The following ZHX3 variants were observed in gnomAD, a reference collection of about 807,000 sequenced individuals.
ZHX3 encodes the protein zinc fingers and homeoboxes 3.
ZHX3 carries 20 observed loss-of-function variants against 64.5 expected under a neutral mutation model. That is an observed-to-expected ratio of 0.31 (90% CI 0.22 to 0.45). ZHX3 has a LOEUF of 0.45. Ranked by LOEUF, ZHX3 falls within the 20% of genes least tolerant of loss-of-function variation. The probability of loss-of-function intolerance (pLI) is 1.00; values close to 1 mark genes in which losing one functional copy is unlikely to be tolerated. For synonymous variants in ZHX3, 423 were observed against 461.6 expected (o/e 0.92, Z 1.07); for missense variants, 1,041 against 1,195.8 (o/e 0.87, Z 1.91).
chr20:41,237,860 C>T (rs374182507), intron 2 of ZHX3, among the ~76,000 whole-genome samples: 3 of 152,288 alleles, frequency 2.0e-5, no homozygotes, highest in South Asian at 4.1e-4. Flanking sequence ...TTCTAGAGGG[C>T]TCTTCTGGTA....
At position 41,181,277 on chromosome 20, in the gene ZHX3, T is replaced by C. The variant is rs2036243447; in HGVS notation, c.*3914A>G. ...GGATTTTTCTTCTCCAGCATATAACTACCTTGAGAATGGATGTGATATGTG... is the reference window on the plus strand; with the variant it reads ...GGATTTTTCTTCTCCAGCATATAACCACCTTGAGAATGGATGTGATATGTG... On this transcript the variant is annotated 3_prime_UTR_variant, in exon 4 of 4. Transcript: ENST00000683867. 6.6e-6 allele frequency: 1 copy of C among 152,180 alleles called. No individual in the cohort carries two copies. Among genetic ancestry groups the C allele is most frequent in the South Asian group, 2.1e-4 (1 of 4,830 alleles). The allele number at this position is 152,180 out of a possible 1,614,324, so 9.4% of individuals were successfully genotyped here.
chr20:41,288,651 G>C (rs1466305377), intron 1 of ZHX3, among the ~76,000 whole-genome samples: 1 of 152,102 alleles, frequency 6.6e-6, no homozygotes, highest in African/African-American at 2.4e-5. Flanking sequence ...ATGACAAATA[G>C]GGCCCAAAAG....
intron 1 of ZHX3, among the ~76,000 whole-genome samples, chr20:41,271,501 T>C (rs2043147719): frequency 6.6e-6 from 1 of 152,220 alleles, no homozygotes; most frequent in African/African-American, 2.4e-5. Context: ...TTAGCTTTGT[T>C]TGCTTCACAT....
intron 1 of ZHX3, among the ~76,000 whole-genome samples, chr20:41,296,864 A>G (rs1358177972): frequency 6.6e-6 from 1 of 152,234 alleles, no homozygotes; most frequent in Non-Finnish European, 1.5e-5. Flanking sequence ...CTCTCAAGGT[A>G]GCCTCTTGAC....
intron 2 of ZHX3, among the ~76,000 whole-genome samples, chr20:41,235,104 T>C (rs956539750): frequency 6.6e-6 from 1 of 152,120 alleles, no homozygotes; most frequent in Non-Finnish European, 1.5e-5. Flanking sequence ...TGTAATGCTG[T>C]ACTTGCAGCA....
chr20:41,279,749 A>G (rs554577820), intron 1 of ZHX3, among the ~76,000 whole-genome samples: 1 of 152,316 alleles, frequency 6.6e-6, no homozygotes, highest in Middle Eastern at 3.4e-3. Flanking sequence ...GGGAAATGCC[A>G]TCAGGACTGA....
At chr20:41,280,869 A>C (rs1375917087) in intron 1 of ZHX3, among the ~76,000 whole-genome samples, 1 of 151,764 alleles carries the variant, frequency 6.6e-6, no homozygotes, top group African/African-American at 2.4e-5. Context: ...TAGATGATCC[A>C]ATATGTCTAA....
chr20:41,275,288 T>C (rs568312164), intron 1 of ZHX3, among the ~76,000 whole-genome samples: 2 of 152,322 alleles, frequency 1.3e-5, no homozygotes, highest in South Asian at 4.1e-4. Context: ...CGATCTATAA[T>C]GAAACTAAAA....
intron 1 of ZHX3, among the ~76,000 whole-genome samples, chr20:41,280,605 C>T (rs985467475): frequency 2.0e-5 from 3 of 151,804 alleles, no homozygotes; most frequent in African/African-American, 4.8e-5. Context: ...TTAGTAGAGA[C>T]GGGGTTTCAC....
rs1373233086 is a variant in ZHX3, at chr20:41,280,581, G to GT, written c.-244-11499dup. 2.0e-5 allele frequency among the ~76,000 whole-genome samples: 3 copies of GT among 152,004 alleles called. No homozygotes were observed. The South Asian group carries it at 6.2e-4, about 32-fold the overall frequency. ...CAAAGCTATGTTTTTCTGTTTTTTT[G>GT]TTTTTTGTTTTTTTTAGTAGAGACG... On this transcript the variant is annotated intron_variant, in intron 1 of 3. Coordinates refer to ENST00000683867, the MANE Select transcript of ZHX3 (RefSeq NM_001384317.1).
intron 2 of ZHX3, among the ~76,000 whole-genome samples, chr20:41,260,202 AG>A (rs1382202964): frequency 1.3e-5 from 2 of 152,110 alleles, no homozygotes; most frequent in Non-Finnish European, 2.9e-5. Context: ...AGGCAATAAA[AG>A]ACAGGCCACT....
In ZHX3 at chr20:41,182,183, T is replaced by C. The variant is rs983631901; in HGVS notation, c.*3008A>G. On this transcript the variant is annotated 3_prime_UTR_variant, in exon 4 of 4. Transcript: ENST00000683867. This position sits in a 1 kb window ranked among gnomAD's most constrained non-coding sequence, Gnocchi z 6.1. ...TTTGAGAACTCGATCTACAACCCCA[T>C]GTAAAAAACAAATGGGTACAAGACA... The C allele has an allele frequency of 3.3e-5, 5 of 152,140 alleles. No individual in the cohort carries two copies. Among genetic ancestry groups the C allele is most frequent in the Admixed American group, 6.6e-5 (1 of 15,266 alleles). 9.4% of individuals were successfully genotyped at this position (152,140 alleles called of 1,614,324 possible).
chr20:41,313,472 T>C (rs548601039), intron 1 of ZHX3, among the ~76,000 whole-genome samples: 36 of 152,138 alleles, frequency 2.4e-4, no homozygotes, highest in African/African-American at 8.2e-4. Context: ...AAAAATCACG[T>C]TGATAATTTA....
chr20:41,246,990 G>A (rs2041730914), intron 2 of ZHX3, among the ~76,000 whole-genome samples: 1 of 152,174 alleles, frequency 6.6e-6, no homozygotes, highest in Admixed American at 6.5e-5. Context: ...GCTGGGCATG[G>A]TGGCTCATGC....
In ZHX3 at chr20:41,224,959, T is replaced by C. The variant is rs2040167919; in HGVS notation, c.-150-19893A>G. On this transcript the variant is annotated intron_variant, in intron 2 of 3. Coordinates refer to ENST00000683867, the MANE Select transcript of ZHX3 (RefSeq NM_001384317.1). The surrounding 1 kb of genome is among the most constrained non-coding windows in gnomAD (Gnocchi z 5.2). Reference sequence around the variant, plus strand: ...TTTTCCTGCTTATTGTCTTTCACTTTGGCTAGGCTGTAAGCTCTGTAAGTA... The same window carrying C: ...TTTTCCTGCTTATTGTCTTTCACTTCGGCTAGGCTGTAAGCTCTGTAAGTA... Among the ~76,000 whole-genome samples, 1 of 152,264 alleles carries C rather than the reference T, an allele frequency of 6.6e-6. No individual in the cohort carries two copies. Among genetic ancestry groups the C allele is most frequent in the South Asian group, 2.1e-4 (1 of 4,836 alleles).
At position 41,268,295 on chromosome 20, in the gene ZHX3, A is replaced by T. The variant is rs73907120; in HGVS notation, c.-151+695T>A. 7.9e-3 allele frequency among the ~76,000 whole-genome samples: 1,204 copies of T among 152,304 alleles called. 7 individuals carry two copies. The highest frequency in any genetic ancestry group is 0.027 in the African/African-American group (1,138 of 41,572). Reference sequence around the variant, plus strand: ...TTAATAATGGAAAATAATGTAAAAGACATGCTTTATTTAAACAGCTTACTA... The same window carrying T: ...TTAATAATGGAAAATAATGTAAAAGTCATGCTTTATTTAAACAGCTTACTA... On this transcript the variant is annotated intron_variant, in intron 2 of 3. Transcript: ENST00000683867.
chr20:41,237,469 T>C (rs1568874662), intron 2 of ZHX3, among the ~76,000 whole-genome samples: 1 of 152,176 alleles, frequency 6.6e-6, no homozygotes, highest in Non-Finnish European at 1.5e-5. Context: ...TGTAAGGACA[T>C]AGATGAAGCT....
intron 2 of ZHX3, among the ~76,000 whole-genome samples, chr20:41,231,686 G>A (rs939517817): frequency 6.6e-6 from 1 of 152,134 alleles, no homozygotes; most frequent in African/African-American, 2.4e-5. Context: ...GGCAATCAGA[G>A]ATGTTAAGTT....
chr20:41,243,856 C>T (rs1462642061), intron 2 of ZHX3, among the ~76,000 whole-genome samples: 2 of 152,064 alleles, frequency 1.3e-5, no homozygotes, highest in Non-Finnish European at 2.9e-5. Context: ...AGGATCAACT[C>T]TGACTGGAGT....
Sources: gnomAD v4.1 joint callset for allele counts (sites outside exome capture counted in the v4.1 genomes callset) on GRCh38, gnomAD v4.1.1 for gene constraint, Gnocchi (gnomAD v3.1) non-coding constraint, MANE v1.5 for transcripts, NCBI Gene and HGNC (gene_info 2026-07-23, HGNC 2026-07-21) for gene names.